Variants in RGS14 observed in about 807,000 individuals in gnomAD.
RGS14 encodes the protein regulator of G-protein signaling 14.
A neutral mutation model predicts 63.8 loss-of-function variants in RGS14; 33 were observed. The ratio of observed to expected loss-of-function variants is 0.52; its 90% confidence interval spans 0.39 to 0.69. The LOEUF is 0.69. Ranked by LOEUF, RGS14 falls within the 30% of genes least tolerant of loss-of-function variation. The pLI is 0.00. For synonymous variants in RGS14, 296 were observed against 320.9 expected, an observed-to-expected ratio of 0.92 and a Z score of 0.83; for missense variants, 739 against 742.9, an observed-to-expected ratio of 0.99 and a Z score of 0.06.
chr5:177,361,137 T>C (rs1460993828), intron 1 of RGS14, among the ~76,000 whole-genome samples: 1 of 152,156 alleles, frequency 6.6e-6, no homozygotes, highest in African/African-American at 2.4e-5. Context: ...TGCAGCTCTC[T>C]CTTTGTCCCT....
rs543680339 is a variant in RGS14, at chr5:177,358,572, G to A, written c.45+503G>A. On this transcript the variant is annotated intron_variant, in intron 1 of 14. Coordinates refer to ENST00000408923, the MANE Select transcript of RGS14 (RefSeq NM_006480.5). This position sits in a 1 kb window ranked among gnomAD's most constrained non-coding sequence, Gnocchi z 4.8. ...AGAACTAGCATTGTTTGGGCAGCCC[G>A]GGATGGGGCAGCAGGGTCAGACTAG... Among the ~76,000 whole-genome samples, 4 of 152,332 alleles carry A rather than the reference G, an allele frequency of 2.6e-5. No homozygotes were observed. The highest frequency in any genetic ancestry group is 2.1e-4 in the South Asian group (1 of 4,834).
Position 177,371,131 on chromosome 5 carries a change from G to C in RGS14, c.1255-34G>C. On this transcript the variant is annotated intron_variant, in intron 11 of 14. Transcript: ENST00000408923. The surrounding 1 kb of genome is among the most constrained non-coding windows in gnomAD (Gnocchi z 6.1). The stretch of plus-strand genomic sequence containing the variant: ...GGGCCGGGGCCGGGGCCGGGCGGAG[G>C]CCTGTACCGCGGGCTGCTGACCTCT... 6.3e-7 allele frequency: 1 copy of C among 1,590,554 alleles called. No homozygotes were observed. Among genetic ancestry groups the C allele is most frequent in the Non-Finnish European group, 8.6e-7 (1 of 1,169,524 alleles).
chr5:177,367,283 G>C, intron 5 of RGS14, 131 bp from the exon 6 acceptor site: 1 of 1,315,056 alleles, frequency 7.6e-7, no homozygotes, highest in Non-Finnish European at 1.0e-6. Flanking sequence ...TAGGAACTGA[G>C]GTCGGGGCGG....
In RGS14 at chr5:177,364,774, G is replaced by A. The variant is rs1444160405; in HGVS notation, c.46-1189G>A. Among the ~76,000 whole-genome samples, 2 of 152,200 alleles carry A rather than the reference G, an allele frequency of 1.3e-5. No individual in the cohort carries two copies. The highest frequency in any genetic ancestry group is 4.8e-5 in the African/African-American group (2 of 41,446). Reference sequence around the variant, plus strand: ...GTCATTTTGAGAGGAGAGTTTTTCTGTTTCACTAATGATTGGGATTCCCAG... The same window carrying A: ...GTCATTTTGAGAGGAGAGTTTTTCTATTTCACTAATGATTGGGATTCCCAG... On this transcript the variant is annotated intron_variant, in intron 1 of 14. Coordinates refer to ENST00000408923, the MANE Select transcript of RGS14 (RefSeq NM_006480.5). The surrounding 1 kb of genome is among the most constrained non-coding windows in gnomAD (Gnocchi z 4.6).
chr5:177,361,888 C>T (rs1019973322), intron 1 of RGS14, among the ~76,000 whole-genome samples: 3 of 152,186 alleles, frequency 2.0e-5, no homozygotes, highest in Non-Finnish European at 2.9e-5. Flanking sequence ...TCCATTCACT[C>T]ACCACTTCTT....
chr5:177,372,004 C>T lies in RGS14; in HGVS notation c.1630C>T (p.Pro544Ser), dbSNP rs2127339132. The change falls in exon 15 of 15, where the codon CCA becomes TCA. Residue 544 changes from proline (P) to serine (S), a missense_variant. Physicochemically the swap from Pro to Ser is moderately conservative, Grantham distance 74. Transcript: ENST00000408923. ...PAQGPSSEET[P>S]PQTKSAAQPI... ...CCAAGGGCCCAGCTCCGAGGAGACC[C>T]CACCACAGACCAAATCAGCAGCCCA... is the stretch of plus-strand genomic sequence containing the variant. The T allele has an allele frequency of 6.2e-7, 1 of 1,614,166 alleles. No homozygotes were observed. The highest frequency in any genetic ancestry group is 1.7e-5 in the Admixed American group (1 of 60,028).
At chr5:177,369,148 G>A in intron 9 of RGS14, 3 of 567,362 alleles carry the variant, frequency 5.3e-6, no homozygotes, top group South Asian at 4.0e-5. Context: ...CCTTAGGGAG[G>A]TAAAACTGGA....
chr5:177,370,209 C>T (rs145302743), intron 9 of RGS14, among the ~76,000 whole-genome samples: 1 of 152,172 alleles, frequency 6.6e-6, no homozygotes, highest in Non-Finnish European at 1.5e-5. Context: ...CTGGTCTGGT[C>T]GGATTTCACA....
Position 177,367,965 on chromosome 5 carries a change from C to T in RGS14, c.739+140C>T, listed in dbSNP as rs569572611. The T allele has an allele frequency of 4.4e-4, 628 of 1,439,630 alleles. 4 individuals carry two copies. The African/African-American group carries it at 7.4e-3, about 17-fold the overall frequency. The allele number at this position is 1,439,630 out of a possible 1,614,324, so 89.2% of individuals were successfully genotyped here. A position where few individuals can be genotyped will look rare whatever the true frequency, so the allele number is the denominator to read the frequency against. ...CCCAGGTCCCAGTGACCACCACACT[C>T]CCCTGGGTGGTTCGGGTCTTGGGCT... On this transcript the variant is annotated intron_variant, in intron 7 of 14. Transcript: ENST00000408923.
chr5:177,358,194 G>T lies in RGS14; in HGVS notation c.45+125G>T. 1 of 769,554 alleles carries T rather than the reference G, an allele frequency of 1.3e-6. No individual in the cohort carries two copies. The highest frequency in any genetic ancestry group is 1.8e-6 in the Non-Finnish European group (1 of 554,562). The allele number at this position is 769,554 out of a possible 1,614,324, so 47.7% of individuals were successfully genotyped here. ...GCTGCCAGCAGGCGAGAGAAGTTGG[G>T]TACAGACAGCAGCAGGTGGTAGGAC... On this transcript the variant is annotated intron_variant, in intron 1 of 14. Transcript: ENST00000408923. The surrounding 1 kb of genome is among the most constrained non-coding windows in gnomAD (Gnocchi z 4.8).
intron 1 of RGS14, among the ~76,000 whole-genome samples, chr5:177,365,079 C>T (rs989723281): frequency 1.3e-5 from 2 of 152,162 alleles, no homozygotes; most frequent in East Asian, 3.8e-4. Flanking sequence ...GCAACACGTG[C>T]GATAGTAAGA....
chr5:177,363,790 T>C (rs552518465), intron 1 of RGS14, among the ~76,000 whole-genome samples: 17 of 152,168 alleles, frequency 1.1e-4, no homozygotes, highest in African/African-American at 3.6e-4. Context: ...CAGCACAAAT[T>C]TGACCTCCCA....
rs1401558079 is a variant in RGS14, at chr5:177,367,495, G to A, written c.565G>A (p.Glu189Lys). The change falls in exon 6 of 15, where the codon GAG (glutamate) becomes AAG (lysine). Residue 189 changes from glutamate (E) to lysine (K), a missense_variant. Coordinates refer to ENST00000408923, the MANE Select transcript of RGS14 (RefSeq NM_006480.5). ...LYRECLLAEA[E>K]GRPLREPGSS... ...CCGCGAGTGCCTGCTAGCCGAAGCCGAGGGACGCCCTCTGCGGGAACCTGG... is the reference window on the plus strand; with the variant it reads ...CCGCGAGTGCCTGCTAGCCGAAGCCAAGGGACGCCCTCTGCGGGAACCTGG... 2.5e-6 allele frequency: 4 copies of A among 1,612,744 alleles called. No individual in the cohort carries two copies. Among genetic ancestry groups the A allele is most frequent in the Middle Eastern group, 1.7e-4 (1 of 6,056 alleles).
At position 177,371,059 on chromosome 5, in the gene RGS14, G is replaced by A. The variant is rs544317963; in HGVS notation, c.1254+28G>A. Reference sequence around the variant, plus strand: ...GAGCTTCCGGGCCGCGGGGCGGGGCGGGGCGGGGCCGGGCCGGGGCCGGGG... The same window carrying A: ...GAGCTTCCGGGCCGCGGGGCGGGGCAGGGCGGGGCCGGGCCGGGGCCGGGG... On this transcript the variant is annotated intron_variant, in intron 11 of 14. Coordinates refer to ENST00000408923, the MANE Select transcript of RGS14 (RefSeq NM_006480.5). This position sits in a 1 kb window ranked among gnomAD's most constrained non-coding sequence, Gnocchi z 6.1. 1.7e-6 allele frequency: 2 copies of A among 1,145,782 alleles called. No homozygotes were observed. Among genetic ancestry groups the A allele is most frequent in the Non-Finnish European group, 1.1e-6 (1 of 934,448 alleles). The allele number at this position is 1,145,782 out of a possible 1,614,324, so 71.0% of individuals were successfully genotyped here.
rs754016735 is a variant in RGS14, at chr5:177,367,666, T to C, written c.628-48T>C. ...TGCGAGTCTGTGCCCACGGTCTGCA[T>C]GCGGGCTGGGGCCCAGCCCGGTGCC... On this transcript the variant is annotated intron_variant, in intron 6 of 14. Coordinates refer to ENST00000408923, the MANE Select transcript of RGS14 (RefSeq NM_006480.5). 5 of 1,595,530 alleles carry C rather than the reference T, an allele frequency of 3.1e-6. No individual in the cohort carries two copies. In the South Asian group the frequency reaches 5.6e-5, roughly 18 times the overall value.
chr5:177,372,133 G>C lies in RGS14; in HGVS notation c.*58G>C. Reference sequence around the variant, plus strand: ...CACCCGGCGGGCCGAGCATGCCATGGGTCCGCTCTGCATGCCCTGTCTGTG... The same window carrying C: ...CACCCGGCGGGCCGAGCATGCCATGCGTCCGCTCTGCATGCCCTGTCTGTG... On this transcript the variant is annotated 3_prime_UTR_variant, in exon 15 of 15. Transcript: ENST00000408923. The C allele has an allele frequency of 6.7e-7, 1 of 1,493,630 alleles. No homozygotes were observed. The highest frequency in any genetic ancestry group is 1.2e-5 in the South Asian group (1 of 84,878). 92.5% of individuals were successfully genotyped at this position (1,493,630 alleles called of 1,614,324 possible). A position where few individuals can be genotyped will look rare whatever the true frequency, so the allele number is the denominator to read the frequency against.
intron 5 of RGS14, 153 bp from the exon 6 acceptor site, chr5:177,367,261 C>T: frequency 8.7e-7 from 1 of 1,155,344 alleles, no homozygotes. Flanking sequence ...GCTTGGACCC[C>T]GGGGGTGGGT....
rs764950878 is a variant in RGS14 at position 177,372,034 on chromosome 5, A to T, written c.1660A>T (p.Ile554Phe). 2 of 1,614,108 alleles carry T rather than the reference A, an allele frequency of 1.2e-6. No individual in the cohort carries two copies. The change falls in exon 15 of 15, where the codon ATC becomes TTC. Residue 554 changes from isoleucine (I) to phenylalanine (F), a missense_variant. Coordinates refer to ENST00000408923, the MANE Select transcript of RGS14 (RefSeq NM_006480.5). ...PPQTKSAAQP[I>F]GGSLNSTTDS... is the part of the protein sequence containing the mutation. ...ACAGACCAAATCAGCAGCCCAGCCC[A>T]TCGGGGGATCCTTGAACTCCACCAC...
At chr5:177,363,893 G>T (rs1219122147) in intron 1 of RGS14, among the ~76,000 whole-genome samples, 1 of 152,198 alleles carries the variant, frequency 6.6e-6, no homozygotes, top group Admixed American at 6.5e-5. Context: ...CCCTTTTGGG[G>T]AAGGTGGTGG....
Sources: allele counts gnomAD v4.1 joint callset (sites outside exome capture counted in the v4.1 genomes callset), GRCh38; gene constraint gnomAD v4.1.1; non-coding constraint Gnocchi (gnomAD v3.1); transcripts MANE v1.5; gene names NCBI Gene and HGNC (gene_info 2026-07-23, HGNC 2026-07-21).